Variants in AKAP13 observed in about 807,000 individuals in gnomAD.
The protein encoded by AKAP13 is A-kinase anchoring protein 13, also known as A-kinase anchor protein 13.
In AKAP13, 80 loss-of-function variants were observed where a neutral mutation model predicts 264.5. That is an observed-to-expected ratio of 0.30 (90% confidence interval 0.25 to 0.36). The LOEUF (loss-of-function observed/expected upper bound fraction) is 0.36. Ranked by LOEUF, AKAP13 falls within the 10% of genes least tolerant of loss-of-function variation. AKAP13 has a pLI of 1.00. For synonymous variants in AKAP13, 1,380 were observed against 1,250.2 expected (o/e 1.10, Z -2.19); for missense variants, 3,712 against 3,435.2 (o/e 1.08, Z -2.01).
chr15:85,630,268 A>ACACACACACACACACACAC (rs1392263680), intron 8 of AKAP13, among the ~76,000 whole-genome samples: 1 of 23,872 alleles, frequency 4.2e-5, no homozygotes, highest in Non-Finnish European at 1.1e-4. Flanking sequence ...CACACACACA[A>ACACACACACACACACACAC]ACACAATGAA....
intron 1 of AKAP13, chr15:85,382,262 A>G (rs757782692): frequency 6.6e-6 from 1 of 152,246 alleles, no homozygotes; most frequent in African/African-American, 2.4e-5. Flanking sequence ...TGTGTGTGTC[A>G]GTTTGCTCAG....
chr15:85,601,426 A>G (rs370812281), intron 8 of AKAP13, among the ~76,000 whole-genome samples: 5 of 152,150 alleles, frequency 3.3e-5, no homozygotes, highest in South Asian at 4.1e-4. Flanking sequence ...ACCTAATCTC[A>G]CATATAACTA....
chr15:85,552,771 G>T (rs1417687489), intron 5 of AKAP13, among the ~76,000 whole-genome samples: 1 of 151,944 alleles, frequency 6.6e-6, no homozygotes, highest in Non-Finnish European at 1.5e-5. Flanking sequence ...GGAACTACAG[G>T]CGTGTGCCAC....
At chr15:85,734,484 G>A (rs2088293856) in intron 30 of AKAP13, among the ~76,000 whole-genome samples, 1 of 151,554 alleles carries the variant, frequency 6.6e-6, no homozygotes, top group South Asian at 2.1e-4. Context: ...TTTTTCTCCT[G>A]TTTAACTTTT....
At chr15:85,417,966 A>C (rs1190405717) in intron 1 of AKAP13, among the ~76,000 whole-genome samples, 1 of 151,974 alleles carries the variant, frequency 6.6e-6, no homozygotes, top group Non-Finnish European at 1.5e-5. Flanking sequence ...ATTTTAATTC[A>C]ATATATAAAA....
intron 36 of AKAP13, 138 bp downstream of exon 36, chr15:85,743,963 A>C: frequency 9.9e-7 from 1 of 1,005,634 alleles, no homozygotes; most frequent in South Asian, 1.7e-5. Context: ...CCTTTTCACC[A>C]GCTCCGCTTG....
chr15:85,526,556 C>G (rs192003754), intron 3 of AKAP13, among the ~76,000 whole-genome samples: 5 of 152,120 alleles, frequency 3.3e-5, no homozygotes, highest in African/African-American at 1.2e-4. Context: ...CAGGCGTGAC[C>G]CACCATACCT....
chr15:85,632,887 G>T (rs879402251), intron 8 of AKAP13, among the ~76,000 whole-genome samples: 1 of 151,130 alleles, frequency 6.6e-6, no homozygotes, highest in Non-Finnish European at 1.5e-5. Context: ...TTTTTTTTGA[G>T]GCGGAATCTT....
Position 85,555,339 on chromosome 15 carries a change from A to G in AKAP13, c.662+11384A>G, listed in dbSNP as rs2078104730. ...CAATAGCCCTCAGAAAAGGAACTAGATGCTGCAGTTCCTTGTCAGAAGTAA... is the reference window on the plus strand; with the variant it reads ...CAATAGCCCTCAGAAAAGGAACTAGGTGCTGCAGTTCCTTGTCAGAAGTAA... On this transcript the variant is annotated intron_variant, in intron 5 of 36. Transcript: ENST00000394518. The G allele has an allele frequency of 5.4e-6, 5 of 933,014 alleles. No homozygotes were observed. The South Asian group carries it at 5.4e-5, about 10-fold the overall frequency. 57.8% of individuals were successfully genotyped at this position (933,014 alleles called of 1,614,324 possible).
At chr15:85,662,433 T>C in intron 12 of AKAP13, 1 of 1,614,152 alleles carries the variant, frequency 6.2e-7, no homozygotes, top group Non-Finnish European at 8.5e-7. Context: ...CTGGCCTGAG[T>C]GCTGACTTTA....
intron 1 of AKAP13, among the ~76,000 whole-genome samples, chr15:85,433,916 G>C (rs1438914407): frequency 6.6e-6 from 1 of 151,368 alleles, no homozygotes; most frequent in Admixed American, 6.6e-5. Context: ...ACTCCAGCCT[G>C]GGTGACAGAG....
At chr15:85,563,326 C>CCTGTTTTTTTTTTTTTTTTTTTTT (rs746701868) in intron 5 of AKAP13, among the ~76,000 whole-genome samples, 1 of 83,320 alleles carries the variant, frequency 1.2e-5, no homozygotes. Context: ...GTAGAATGTG[C>CCTGTTTTTTTTTTTTTTTTTTTTT]TTGTTTTTTT....
intron 2 of AKAP13, among the ~76,000 whole-genome samples, chr15:85,510,094 C>G (rs943181143): frequency 2.0e-5 from 3 of 152,222 alleles, no homozygotes; most frequent in African/African-American, 7.2e-5. Flanking sequence ...GTCCTTGCTT[C>G]TCTTACTATG....
chr15:85,411,960 G>A (rs2071992215), intron 1 of AKAP13, among the ~76,000 whole-genome samples: 1 of 152,202 alleles, frequency 6.6e-6, no homozygotes, highest in Non-Finnish European at 1.5e-5. Flanking sequence ...GAGCTTGACA[G>A]CTTTTCAGTA....
chr15:85,458,503 C>G (rs1360421741), intron 1 of AKAP13, among the ~76,000 whole-genome samples: 1 of 148,462 alleles, frequency 6.7e-6, no homozygotes, highest in Non-Finnish European at 1.5e-5. Flanking sequence ...TCTCATAGCT[C>G]TAATTTATAT....
intron 8 of AKAP13, among the ~76,000 whole-genome samples, chr15:85,632,170 G>A (rs979209115): frequency 2.0e-5 from 3 of 152,136 alleles, no homozygotes; most frequent in African/African-American, 7.2e-5. Context: ...TGAAGTCATG[G>A]CATTCTAGGG....
At chr15:85,530,985 C>T (rs2151185147) in intron 3 of AKAP13, among the ~76,000 whole-genome samples, 1 of 152,280 alleles carries the variant, frequency 6.6e-6, no homozygotes, top group African/African-American at 2.4e-5. Context: ...AGTGATTCTC[C>T]TGCCTCAGCC....
rs538621511 is a variant in AKAP13, at chr15:85,538,667, T to C, written c.478+4787T>C. On this transcript the variant is annotated intron_variant, in intron 4 of 36. Transcript: ENST00000394518. ...ACCACGCCCAGCTAATTTTTTATATTTTTAGTAGAGACGGGGTTTCACTGT... is the reference window on the plus strand; with the variant it reads ...ACCACGCCCAGCTAATTTTTTATATCTTTAGTAGAGACGGGGTTTCACTGT... 1.9e-4 allele frequency among the ~76,000 whole-genome samples: 28 copies of C among 150,250 alleles called. No individual in the cohort carries two copies. In the East Asian group the frequency reaches 4.9e-3, roughly 26 times the overall value.
chr15:85,408,330 T>G (rs1461783678), intron 1 of AKAP13, among the ~76,000 whole-genome samples: 1 of 151,844 alleles, frequency 6.6e-6, no homozygotes, highest in African/African-American at 2.4e-5. Context: ...TTTACCATCT[T>G]AACCATTTAC....
Sources: allele counts gnomAD v4.1 joint callset (sites outside exome capture counted in the v4.1 genomes callset), GRCh38; gene constraint gnomAD v4.1.1; transcripts MANE v1.5; gene names NCBI Gene and HGNC (gene_info 2026-07-23, HGNC 2026-07-21).